Variants in CFAP263 observed in about 807,000 individuals in gnomAD.
CFAP263 encodes the protein cilia and flagella associated protein 263, also known as cilia- and flagella-associated protein 263.
At chr16:58,280,987 A>C in the CFAP263 span, 1 of 514,404 alleles carries the variant, frequency 1.9e-6, no homozygotes, top group East Asian at 3.0e-5. Context: ...CTGATTGCCT[A>C]TAGCTTCCTG....
the CFAP263 span, chr16:58,250,150 C>G: frequency 3.1e-6 from 4 of 1,290,068 alleles, no homozygotes; most frequent in Non-Finnish European, 4.3e-6. Flanking sequence ...CGCCCCTCTT[C>G]CTCCTAGGCC....
chr16:58,258,565 T>TA, the CFAP263 span: 1 of 1,584,602 alleles, frequency 6.3e-7, no homozygotes, highest in African/African-American at 1.3e-5. Flanking sequence ...AAAACATTCT[T>TA]ACAGGGATGT....
the CFAP263 span, chr16:58,278,356 C>T: frequency 1.1e-6 from 1 of 882,716 alleles, no homozygotes; most frequent in Non-Finnish European, 1.7e-6. Context: ...TCCCCAACCT[C>T]TTTGAAAATG....
the CFAP263 span, among the ~76,000 whole-genome samples, chr16:58,268,712 G>A: frequency 6.6e-6 from 1 of 152,060 alleles, no homozygotes; most frequent in African/African-American, 2.4e-5. Context: ...AAGTAGCAAA[G>A]GTAAAGCAAA....
the CFAP263 span, chr16:58,254,132 T>C: frequency 6.2e-7 from 1 of 1,614,174 alleles, no homozygotes; most frequent in Non-Finnish European, 8.5e-7. Flanking sequence ...CAAGGGCAAA[T>C]GCGGAACGCG....
At chr16:58,278,496 C>G in the CFAP263 span, 9 of 1,614,040 alleles carry the variant, frequency 5.6e-6, no homozygotes, top group South Asian at 8.8e-5. Flanking sequence ...GGGCCAAAGC[C>G]GAGGCAGTGA....
At chr16:58,253,529 A>C in the CFAP263 span, among the ~76,000 whole-genome samples, 7 of 152,308 alleles carry the variant, frequency 4.6e-5, no homozygotes, top group South Asian at 1.4e-3. Context: ...TTTGAGGGCC[A>C]AGCAAACCCA....
chr16:58,257,778 T>A, the CFAP263 span, among the ~76,000 whole-genome samples: 1 of 152,176 alleles, frequency 6.6e-6, no homozygotes, highest in East Asian at 1.9e-4. Context: ...ATATTTTTAA[T>A]GGATAAATAA....
At chr16:58,264,565 GGGCAAGATTCTTCACCTCTTGGA>G in the CFAP263 span, among the ~76,000 whole-genome samples, 9 of 152,140 alleles carry the variant, frequency 5.9e-5, no homozygotes, top group Admixed American at 1.3e-4. Flanking sequence ...TGCTTCATCT[GGGCAAGATTCTTCACCTCTTGGA>G]GGCAAGTTTT....
the CFAP263 span, chr16:58,249,978 G>A: frequency 7.1e-7 from 1 of 1,408,902 alleles, no homozygotes; most frequent in Non-Finnish European, 9.9e-7. Context: ...GGAGCTCCTG[G>A]GCACACGGCA....
the CFAP263 span, chr16:58,254,121 A>G: frequency 6.2e-7 from 1 of 1,614,246 alleles, no homozygotes. Flanking sequence ...CTTACGACAC[A>G]CAAGGGCAAA....
the CFAP263 span, among the ~76,000 whole-genome samples, chr16:58,251,842 A>G: frequency 7.2e-5 from 11 of 151,962 alleles, no homozygotes; most frequent in Admixed American, 6.6e-4. Context: ...ATGTGTGTGT[A>G]ACACACACAC....
chr16:58,264,011 T>C, the CFAP263 span, among the ~76,000 whole-genome samples: 2 of 152,208 alleles, frequency 1.3e-5, no homozygotes, highest in African/African-American at 2.4e-5. Context: ...CCCAGTCCAG[T>C]ATGCATCCCA....
At chr16:58,249,984 CG>C in the CFAP263 span, 1 of 1,451,870 alleles carries the variant, frequency 6.9e-7, no homozygotes, top group Non-Finnish European at 9.5e-7. Flanking sequence ...CCTGGGCACA[CG>C]GCATTGGCAG....
the CFAP263 span, chr16:58,250,166 C>T: frequency 2.5e-6 from 3 of 1,183,332 alleles, no homozygotes; most frequent in Non-Finnish European, 2.4e-6. Flanking sequence ...AGGCCCTCCT[C>T]TCCGGGCGGC....
At chr16:58,259,596 A>G in the CFAP263 span, among the ~76,000 whole-genome samples, 1 of 152,352 alleles carries the variant, frequency 6.6e-6, no homozygotes, top group Non-Finnish European at 1.5e-5. Flanking sequence ...AAAGGCCCCT[A>G]CAGTAGCATA....
the CFAP263 span, among the ~76,000 whole-genome samples, chr16:58,272,262 C>T: frequency 7.4e-5 from 11 of 148,648 alleles, no homozygotes; most frequent in Non-Finnish European, 4.5e-5. Context: ...GTGATCTGCC[C>T]GCCTCAGCCT....
chr16:58,280,157 A>G, the CFAP263 span: 1,673 of 1,488,234 alleles, frequency 1.1e-3, 4 homozygotes, highest in Non-Finnish European at 1.3e-3. Context: ...ACATCAAAAC[A>G]GCATGGTGAA....
At chr16:58,266,432 T>C in the CFAP263 span, among the ~76,000 whole-genome samples, 1 of 92,068 alleles carries the variant, frequency 1.1e-5, no homozygotes, top group Non-Finnish European at 2.1e-5. Flanking sequence ...TTTTTTTTTT[T>C]TTCAGGAAAA....
Sources: allele counts gnomAD v4.1 joint callset (sites outside exome capture counted in the v4.1 genomes callset), GRCh38; gene constraint gnomAD v4.1.1; transcripts MANE v1.5; gene names NCBI Gene and HGNC (gene_info 2026-07-23, HGNC 2026-07-21).